Variants in TLK2 observed in about 807,000 individuals in gnomAD.
TLK2 encodes the protein tousled like kinase 2.
In TLK2, 6 loss-of-function variants were observed where a neutral mutation model predicts 117.3. The ratio of observed to expected loss-of-function variants is 0.05; its 90% confidence interval spans 0.03 to 0.10. The LOEUF is 0.10. Among genes scored for constraint, TLK2 ranks in the 10% least tolerant of loss-of-function variants. The pLI is 1.00. For synonymous variants in TLK2, 257 were observed against 316.7 expected (o/e 0.81, Z 2.00); for missense variants, 299 against 901.2 (o/e 0.33, Z 8.56).
chr17:62,519,191 G>T (rs1178125692), intron 2 of TLK2, among the ~76,000 whole-genome samples: 1 of 152,136 alleles, frequency 6.6e-6, no homozygotes, highest in Admixed American at 6.5e-5. Flanking sequence ...AGCCTGTTTT[G>T]AGTTAATTTT....
chr17:62,593,069 ACCT>A lies in TLK2; in HGVS notation c.1461-3512_1461-3510del, dbSNP rs150257295. Among the ~76,000 whole-genome samples the A allele has an allele frequency of 1.7e-3, 261 of 152,298 alleles. 7 individuals are homozygous for A. The East Asian group carries it at 0.043, about 25-fold the overall frequency. On this transcript the variant is annotated intron_variant, in intron 16 of 21. Transcript: ENST00000346027. ...AGCTTTGCTCACTCACCCACTGCTC[ACCT>A]CCTGCTGTGTGGCCCAGTTCCTAAC...
At chr17:62,475,286 A>G (rs1179026875), upstream of TLK2, among the ~76,000 whole-genome samples, 1 of 152,162 alleles carries the variant, frequency 6.6e-6, no homozygotes, top group Non-Finnish European at 1.5e-5. Context: ...ATTGGAACCC[A>G]GTTCTGTCAT....
At chr17:62,514,149 T>C (rs1412273986) in intron 2 of TLK2, among the ~76,000 whole-genome samples, 1 of 129,814 alleles carries the variant, frequency 7.7e-6, no homozygotes, top group Non-Finnish European at 1.8e-5. Context: ...TAAATAATAA[T>C]TTTTTTTTTT....
rs2083925016 is a variant in TLK2 at position 62,613,350 on chromosome 17, C to G, written c.*785C>G. On this transcript the variant is annotated 3_prime_UTR_variant, in exon 22 of 22. Transcript: ENST00000346027. ...AGATGTGTGGGTTTTTGCCATTGGACAAAGAATGAGGTTAGAAGACTGCAG... is the reference window on the plus strand; with the variant it reads ...AGATGTGTGGGTTTTTGCCATTGGAGAAAGAATGAGGTTAGAAGACTGCAG... 1 of 152,560 alleles carries G rather than the reference C, an allele frequency of 6.6e-6. No homozygotes were observed. Among genetic ancestry groups the G allele is most frequent in the South Asian group, 2.1e-4 (1 of 4,828 alleles). 9.5% of individuals were successfully genotyped at this position (152,560 alleles called of 1,614,324 possible).
intron 14 of TLK2, 112 bp from the exon 15 acceptor site, chr17:62,579,999 C>T: frequency 1.4e-6 from 1 of 731,240 alleles, no homozygotes; most frequent in Non-Finnish European, 2.2e-6. Flanking sequence ...TGTCAAACTA[C>T]CAACAGCAGC....
intron 7 of TLK2, chr17:62,551,811 G>A (rs2078486653): frequency 6.0e-6 from 1 of 165,418 alleles, no homozygotes; most frequent in African/African-American, 2.4e-5. Context: ...GCCTTAGAAT[G>A]CCCAGTCAGC....
At chr17:62,516,196 A>C (rs2145398460) in intron 2 of TLK2, 1 of 612,562 alleles carries the variant, frequency 1.6e-6, no homozygotes, top group African/African-American at 1.9e-5. Flanking sequence ...AAGTGCTGGG[A>C]TTACAGGCAT....
chr17:62,482,959 G>A (rs1279688900), intron 2 of TLK2, among the ~76,000 whole-genome samples: 1 of 152,002 alleles, frequency 6.6e-6, no homozygotes, highest in African/African-American at 2.4e-5. Flanking sequence ...AATTTCTTTG[G>A]CCACTTAAAC....
rs556612210 is a variant in TLK2 at position 62,596,914 on chromosome 17, C to T, written c.1550+240C>T. Among the ~76,000 whole-genome samples the T allele has an allele frequency of 1.3e-3, 198 of 152,266 alleles. 1 individual carries two copies. The highest frequency in any genetic ancestry group is 4.6e-3 in the African/African-American group (191 of 41,556). ...CAGCTTGGTATGAAGAGAGACAGGG[C>T]TAATTTATAGTGTTTGCCAGTTTCC... On this transcript the variant is annotated intron_variant, in intron 17 of 21. Transcript: ENST00000346027.
chr17:62,476,722 C>T (rs753912181), upstream of TLK2, among the ~76,000 whole-genome samples: 53 of 152,222 alleles, frequency 3.5e-4, no homozygotes, highest in Non-Finnish European at 6.2e-4. Context: ...CTGCAAGACA[C>T]CTCTGACTCC....
intron 7 of TLK2, among the ~76,000 whole-genome samples, chr17:62,546,558 CTTT>C (rs1283721556): frequency 5.3e-5 from 7 of 131,180 alleles, no homozygotes; most frequent in Admixed American, 7.7e-5. Flanking sequence ...CTTTTTCTTT[CTTT>C]TTTTTTTTTT....
At chr17:62,537,677 T>C (rs1233864534) in intron 7 of TLK2, among the ~76,000 whole-genome samples, 1 of 152,214 alleles carries the variant, frequency 6.6e-6, no homozygotes, top group Admixed American at 6.5e-5. Flanking sequence ...TGTACTGGAA[T>C]AAACAGATAA....
intron 15 of TLK2, among the ~76,000 whole-genome samples, chr17:62,580,930 G>A (rs185385509): frequency 2.6e-5 from 4 of 152,260 alleles, no homozygotes; most frequent in Admixed American, 2.0e-4. Context: ...AATCTTTTCA[G>A]TAAAATAGTT....
intron 9 of TLK2, among the ~76,000 whole-genome samples, chr17:62,557,379 T>C (rs1457684329): frequency 6.6e-6 from 1 of 152,214 alleles, no homozygotes; most frequent in Non-Finnish European, 1.5e-5. Flanking sequence ...TCTAAAATGT[T>C]CTTTTGATTT....
At chr17:62,499,366 C>T (rs1299547607) in intron 2 of TLK2, among the ~76,000 whole-genome samples, 8 of 151,576 alleles carry the variant, frequency 5.3e-5, no homozygotes, top group African/African-American at 1.7e-4. Context: ...TGTTTTGCCA[C>T]GTTGCCCAGC....
chr17:62,576,692 T>G lies in TLK2; in HGVS notation c.1122-17T>G. ...GATTTCTAGTAGTTTACTGAAACTT[T>G]TACCACTGTTTTTCAGGTTAACGTT... On this transcript the variant is annotated splice_polypyrimidine_tract_variant and intron_variant, in intron 12 of 21. Coordinates refer to ENST00000346027, the MANE Select transcript of TLK2 (RefSeq NM_006852.6). 2.5e-6 allele frequency: 4 copies of G among 1,606,776 alleles called. No individual in the cohort carries two copies. Among genetic ancestry groups the G allele is most frequent in the African/African-American group, 1.3e-5 (1 of 74,778 alleles).
chr17:62,522,120 T>A lies in TLK2; in HGVS notation c.154-84T>A, dbSNP rs2145555743. On this transcript the variant is annotated intron_variant, in intron 3 of 21. Coordinates refer to ENST00000346027, the MANE Select transcript of TLK2 (RefSeq NM_006852.6). ...GGGCCAGTTATATCTGTTTATATAT[T>A]CAATATTTTGTGTATACTCGCTGTT... 3 of 1,399,638 alleles carry A rather than the reference T, an allele frequency of 2.1e-6. No homozygotes were observed. In the South Asian group the frequency reaches 3.8e-5, roughly 18 times the overall value. The allele number at this position is 1,399,638 out of a possible 1,614,324, so 86.7% of individuals were successfully genotyped here. A position where few individuals can be genotyped will look rare whatever the true frequency, so the allele number is the denominator to read the frequency against.
chr17:62,520,980 C>T (rs1303925523), intron 3 of TLK2, 136 bp downstream of exon 3: 7 of 951,222 alleles, frequency 7.4e-6, no homozygotes, highest in Non-Finnish European at 9.7e-6. Context: ...GGAGACCAGC[C>T]TGGGCAACAT....
chr17:62,562,709 A>G (rs904854985), intron 10 of TLK2, among the ~76,000 whole-genome samples: 1 of 152,234 alleles, frequency 6.6e-6, no homozygotes, highest in Admixed American at 6.5e-5. Context: ...ACCAATAGAA[A>G]TGTAAAATAT....
Sources: allele counts gnomAD v4.1 joint callset (sites outside exome capture counted in the v4.1 genomes callset), GRCh38; gene constraint gnomAD v4.1.1; transcripts MANE v1.5; gene names NCBI Gene and HGNC (gene_info 2026-07-23, HGNC 2026-07-21).